RNF130: variants seen among roughly 807,000 people sequenced by gnomAD.
RNF130 encodes ring finger protein 130.
A neutral mutation model predicts 44.6 loss-of-function variants in RNF130; 21 were observed. That is an observed-to-expected ratio of 0.47 (90% confidence interval 0.33 to 0.68). The LOEUF is 0.68. RNF130 is among the 30% of genes least tolerant of loss of function. The probability of loss-of-function intolerance (pLI) is 0.02; values close to 1 mark genes in which losing one functional copy is unlikely to be tolerated. For synonymous variants in RNF130, 214 were observed against 210.4 expected (o/e 1.02, Z -0.15); for missense variants, 479 against 560.6 (o/e 0.85, Z 1.47).
intron 1 of RNF130, among the ~76,000 whole-genome samples, chr5:180,071,055 T>C (rs1268214516): frequency 6.6e-6 from 1 of 151,574 alleles, no homozygotes; most frequent in Non-Finnish European, 1.5e-5. Context: ...CTTCCAGATC[T>C]AGCGCAGCCT....
intron 2 of RNF130, among the ~76,000 whole-genome samples, chr5:180,014,932 G>A (rs1486628036): frequency 6.6e-6 from 1 of 152,190 alleles, no homozygotes; most frequent in Non-Finnish European, 1.5e-5. Context: ...GCTGCAGTGA[G>A]CTGAGATCAC....
chr5:180,022,077 C>T (rs1425439336), intron 2 of RNF130, among the ~76,000 whole-genome samples: 2 of 152,214 alleles, frequency 1.3e-5, no homozygotes, highest in African/African-American at 4.8e-5. Context: ...AGTAACAACA[C>T]GGAGGTGAGG....
chr5:179,945,351 C>T (rs186559154), intron 7 of RNF130, among the ~76,000 whole-genome samples: 3 of 152,214 alleles, frequency 2.0e-5, no homozygotes, highest in South Asian at 2.1e-4. Flanking sequence ...ACCTCAGCGG[C>T]GGGGGCTTTT....
chr5:180,011,758 C>G (rs1763600783), intron 3 of RNF130, among the ~76,000 whole-genome samples: 1 of 150,208 alleles, frequency 6.7e-6, no homozygotes, highest in African/African-American at 2.4e-5. Flanking sequence ...GGGCAAGACC[C>G]TGTCTCTTAA....
chr5:180,064,511 C>A (rs2113187665), intron 1 of RNF130, among the ~76,000 whole-genome samples: 1 of 152,330 alleles, frequency 6.6e-6, no homozygotes, highest in Non-Finnish European at 1.5e-5. Context: ...GCCATCATTT[C>A]TTGGTTTGCC....
In RNF130 at chr5:180,025,964, T is replaced by C. The variant is rs192070117; in HGVS notation, c.443-12653A>G. 2.6e-5 allele frequency among the ~76,000 whole-genome samples: 4 copies of C among 152,338 alleles called. No individual in the cohort carries two copies. In the East Asian group the frequency reaches 7.7e-4, roughly 29 times the overall value. ...TTTCTTTTTACTTGTTTTCATAAAG[T>C]ATTTTTTGTATTCACAGTGAATTTT... On this transcript the variant is annotated intron_variant, in intron 2 of 8. Coordinates refer to ENST00000521389, the MANE Select transcript of RNF130 (RefSeq NM_018434.6).
At chr5:180,030,714 C>T (rs924696883) in intron 2 of RNF130, among the ~76,000 whole-genome samples, 17 of 152,168 alleles carry the variant, frequency 1.1e-4, no homozygotes, top group South Asian at 4.1e-4. Context: ...CAGCTCTACC[C>T]TACACAGCCA....
chr5:179,990,666 C>T (rs186726122), intron 3 of RNF130, among the ~76,000 whole-genome samples: 58 of 152,302 alleles, frequency 3.8e-4, no homozygotes, highest in African/African-American at 1.3e-3. Context: ...GACCATGGTC[C>T]GCTTGGTAAT....
chr5:179,926,623 G>C (rs1389267160), intron 7 of RNF130, among the ~76,000 whole-genome samples: 1 of 152,132 alleles, frequency 6.6e-6, no homozygotes, highest in Non-Finnish European at 1.5e-5. Flanking sequence ...ACTCCAGCCT[G>C]GGCGACAGAA....
chr5:179,933,398 T>TTGTGTGTGTGTG (rs71001060), intron 7 of RNF130, among the ~76,000 whole-genome samples: 3,650 of 143,286 alleles, frequency 0.025, 51 homozygotes, highest in Non-Finnish European at 0.033. Flanking sequence ...ATAACCCTAT[T>TTGTGTGTGTGTG]TGTGTGTGTG....
chr5:179,930,103 G>A (rs1761784248), intron 7 of RNF130, among the ~76,000 whole-genome samples: 1 of 151,896 alleles, frequency 6.6e-6, no homozygotes, highest in Non-Finnish European at 1.5e-5. Flanking sequence ...TGTCGCCCAG[G>A]CTAGAGTGCA....
At chr5:180,043,179 G>A (rs1169857153) in intron 1 of RNF130, among the ~76,000 whole-genome samples, 1 of 152,108 alleles carries the variant, frequency 6.6e-6, no homozygotes, top group Non-Finnish European at 1.5e-5. Flanking sequence ...AAAAAAATTA[G>A]CTAGGCATGG....
At chr5:179,980,372 T>A (rs1762804316) in intron 3 of RNF130, 172 bp from the exon 4 acceptor site, 1 of 590,004 alleles carries the variant, frequency 1.7e-6, no homozygotes, top group African/African-American at 1.9e-5. Flanking sequence ...AGATTCAGCA[T>A]TCTGGTTGAA....
At chr5:180,024,820 C>T (rs1449539965) in intron 2 of RNF130, among the ~76,000 whole-genome samples, 5 of 152,164 alleles carry the variant, frequency 3.3e-5, no homozygotes, top group Admixed American at 1.3e-4. Flanking sequence ...AATGAGGGGT[C>T]CCTTTTCATT....
At position 180,038,390 on chromosome 5, in the gene RNF130, GA is replaced by G. The variant is rs376909280; in HGVS notation, c.442+2062del. Among the ~76,000 whole-genome samples the G allele has an allele frequency of 4.7e-3, 607 of 128,362 alleles. 3 individuals carry two copies. The highest frequency in any genetic ancestry group is 5.2e-3 in the African/African-American group (187 of 35,902). 84.2% of individuals were successfully genotyped at this position (128,362 alleles called of 152,430 possible). A position where few individuals can be genotyped will look rare whatever the true frequency, so the allele number is the denominator to read the frequency against. On this transcript the variant is annotated intron_variant, in intron 2 of 8. Coordinates refer to ENST00000521389, the MANE Select transcript of RNF130 (RefSeq NM_018434.6). ...AGTTAGACCCTGTCTCGGGGAGGGG[GA>G]AAAAAAAAAAGCCTGTTTTGTTTTT...
At chr5:179,949,352 A>C (rs1480670690) in intron 7 of RNF130, among the ~76,000 whole-genome samples, 2 of 150,754 alleles carry the variant, frequency 1.3e-5, no homozygotes, top group African/African-American at 4.9e-5. Context: ...ATATCCTTGA[A>C]CTCTTGGGCT....
intron 3 of RNF130, among the ~76,000 whole-genome samples, chr5:179,986,315 T>C (rs931540932): frequency 4.6e-5 from 7 of 152,242 alleles, no homozygotes; most frequent in African/African-American, 1.7e-4. Flanking sequence ...GCTGAAGACC[T>C]CTATCTATGG....
chr5:180,071,744 G>A lies in RNF130; in HGVS notation c.-42C>T, dbSNP rs1765278532. On this transcript the variant is annotated 5_prime_UTR_variant, in exon 1 of 9. Transcript: ENST00000521389. Reference sequence around the variant, plus strand: ...GCCGCTGCTCGCGGACCGGGCTCCGGGGCCGGCGCCTAGAGGCGGGGCGGG... The same window carrying A: ...GCCGCTGCTCGCGGACCGGGCTCCGAGGCCGGCGCCTAGAGGCGGGGCGGG... 8.7e-6 allele frequency: 10 copies of A among 1,155,790 alleles called. No individual in the cohort carries two copies. Among genetic ancestry groups the A allele is most frequent in the Middle Eastern group, 3.5e-4 (1 of 2,832 alleles). 71.6% of individuals were successfully genotyped at this position (1,155,790 alleles called of 1,614,324 possible). A position where few individuals can be genotyped will look rare whatever the true frequency, so the allele number is the denominator to read the frequency against.
In RNF130 at chr5:180,037,202, C is replaced by T. The variant is rs189909866; in HGVS notation, c.442+3251G>A. Among the ~76,000 whole-genome samples, 74 of 152,290 alleles carry T rather than the reference C, an allele frequency of 4.9e-4. 1 individual carries two copies. On this transcript the variant is annotated intron_variant, in intron 2 of 8. Transcript: ENST00000521389. ...TTTTCAATAATCTGCTGTTACAATG[C>T]TGTAACACTCTCCTACGTGTCGTCC...
Sources: allele counts gnomAD v4.1 joint callset (sites outside exome capture counted in the v4.1 genomes callset), GRCh38; gene constraint gnomAD v4.1.1; transcripts MANE v1.5; gene names NCBI Gene and HGNC (gene_info 2026-07-23, HGNC 2026-07-21).